PROSER3: variants seen among roughly 807,000 people sequenced by gnomAD.
PROSER3 encodes the protein proline and serine rich 3, also known as proline and serine-rich protein 3.
A neutral mutation model predicts 50.2 loss-of-function variants in PROSER3; 33 were observed. That is an observed-to-expected ratio of 0.66 (90% CI 0.50 to 0.88). PROSER3 has a LOEUF of 0.88. Among genes scored for constraint, PROSER3 ranks in the 40% least tolerant of loss-of-function variants. PROSER3 has a pLI of 0.00. For synonymous variants in PROSER3, 266 were observed against 259.3 expected (o/e 1.03, Z -0.25); for missense variants, 623 against 612.7 (o/e 1.02, Z -0.18).
exon 10 of PROSER3, chr19:35,768,227 G>A (rs779727581): frequency 6.8e-6 from 11 of 1,612,152 alleles, no homozygotes; most frequent in Non-Finnish European, 8.5e-6. Flanking sequence ...GAGCTGAGTC[G>A]GCAGAAAAGG....
chr19:35,762,476 A>T, intron 5 of PROSER3, 120 bp downstream of exon 5: 1 of 927,498 alleles, frequency 1.1e-6, no homozygotes, highest in Non-Finnish European at 1.6e-6. Flanking sequence ...TGGGAGGCCA[A>T]GGTGAGAGGA....
In PROSER3 at chr19:35,767,994, C is replaced by T. The variant is rs748463002; in HGVS notation, c.1148C>T (p.Pro383Leu). 25 of 1,596,674 alleles carry T rather than the reference C, an allele frequency of 1.6e-5. No individual in the cohort carries two copies. In the African/African-American group the frequency reaches 1.9e-4, roughly 12 times the overall value. Reference sequence around the variant, plus strand: ...TCTCCGGAGGCCCTGGCCCCGCCCCCGCCCGCTGCTGACCACGCCCCCTCG... The same window carrying T: ...TCTCCGGAGGCCCTGGCCCCGCCCCTGCCCGCTGCTGACCACGCCCCCTCG... Residue 383 changes from proline to leucine, a missense_variant, in exon 9 of 11, where the codon CCG (proline) becomes CTG (leucine). Pro to Leu is a moderately conservative substitution (Grantham distance 98). Coordinates refer to ENST00000396908, the Ensembl canonical transcript of PROSER3.
chr19:35,768,160 G>A (rs1332338990), exon 10 of PROSER3: 2 of 1,613,170 alleles, frequency 1.2e-6, no homozygotes, highest in Admixed American at 1.7e-5. Flanking sequence ...CCCAGACTCC[G>A]ACGGCAGCGA....
intron 5 of PROSER3, among the ~76,000 whole-genome samples, chr19:35,763,682 AT>A (rs1971040272): frequency 7.5e-6 from 1 of 133,958 alleles, no homozygotes; most frequent in Non-Finnish European, 1.6e-5. Context: ...TTTTTTTTGT[AT>A]TTTTAGTAGA....
At position 35,759,978 on chromosome 19, in the gene PROSER3, T is replaced by TC; in HGVS notation, c.300dup (p.Val101ArgfsTer29). The TC allele has an allele frequency of 6.3e-7, 1 of 1,594,262 alleles. No homozygotes were observed. Among genetic ancestry groups the TC allele is most frequent in the Non-Finnish European group, 8.6e-7 (1 of 1,169,366 alleles). ...ACCCACCCTGATTGACAGCGGGGAC[T>TC]CCGTGGTGGCCAAGTAAGTACCAGC... is the stretch of plus-strand genomic sequence containing the variant. On this transcript the variant is annotated frameshift_variant, in exon 3 of 11. Coordinates refer to ENST00000396908, the Ensembl canonical transcript of PROSER3. LOFTEE classifies it high-confidence loss of function.
intron 7 of PROSER3, among the ~76,000 whole-genome samples, chr19:35,766,136 G>A (rs1176854114): frequency 3.3e-5 from 5 of 152,168 alleles, no homozygotes; most frequent in Non-Finnish European, 7.3e-5. Context: ...CAGGTTGGGT[G>A]AGTGGGGCTG....
chr19:35,769,125 C>G (rs554117721), exon 11 of PROSER3: 27 of 152,334 alleles, frequency 1.8e-4, no homozygotes, highest in African/African-American at 6.3e-4. Flanking sequence ...CTTAATGACT[C>G]TAAACCCCGT....
chr19:35,762,495 G>A, intron 5 of PROSER3, 139 bp downstream of exon 5: 3 of 680,600 alleles, frequency 4.4e-6, no homozygotes, highest in Non-Finnish European at 7.2e-6. Context: ...GACTGCTTGA[G>A]GCCAGGAGTT....
At chr19:35,768,003 C>T (rs1233039381) in exon 9 of PROSER3, 1 of 1,592,246 alleles carries the variant, frequency 6.3e-7, no homozygotes, top group Non-Finnish European at 8.5e-7. Flanking sequence ...CCGCCCGCTG[C>T]TGACCACGCC....
chr19:35,758,198 C>G (rs776847103), exon 1 of PROSER3: 33 of 1,558,842 alleles, frequency 2.1e-5, no homozygotes, highest in Non-Finnish European at 1.7e-6. Flanking sequence ...CGGCCGGAAG[C>G]GCGGAGGGAG....
Position 35,768,137 on chromosome 19 carries a change from C to T in PROSER3, c.1220-18C>T. The stretch of plus-strand genomic sequence containing the variant: ...AGAGGCCGGCCCCTTGGAGCTCATT[C>T]TTTTCTCCCCGGCCCAGACTCCGAC... On this transcript the variant is annotated intron_variant, in intron 9 of 10. Transcript: ENST00000396908. The T allele has an allele frequency of 6.2e-7, 1 of 1,611,142 alleles. No individual in the cohort carries two copies. The highest frequency in any genetic ancestry group is 8.5e-7 in the Non-Finnish European group (1 of 1,178,468).
chr19:35,768,908 T>C (rs60128322), exon 11 of PROSER3: 9,291 of 166,962 alleles, frequency 0.056, 299 homozygotes, highest in East Asian at 0.11. Flanking sequence ...ATGGTCAGGC[T>C]ATAGCCCACA....
Position 35,768,152 on chromosome 19 carries a change from C to A in PROSER3, c.1220-3C>A. On this transcript the variant is annotated splice_polypyrimidine_tract_variant and splice_region_variant and intron_variant, in intron 9 of 10. Coordinates refer to ENST00000396908, the Ensembl canonical transcript of PROSER3. ...GGAGCTCATTCTTTTCTCCCCGGCC[C>A]AGACTCCGACGGCAGCGAGTTCCAG... 1 of 1,612,924 alleles carries A rather than the reference C, an allele frequency of 6.2e-7. No homozygotes were observed. Among genetic ancestry groups the A allele is most frequent in the Non-Finnish European group, 8.5e-7 (1 of 1,179,290 alleles).
exon 11 of PROSER3, chr19:35,768,905 G>C (rs1457604208): frequency 5.9e-6 from 1 of 169,204 alleles, no homozygotes; most frequent in African/African-American, 2.4e-5. Flanking sequence ...ATGATGGTCA[G>C]GCTATAGCCC....
intron 5 of PROSER3, among the ~76,000 whole-genome samples, chr19:35,764,395 G>A (rs1057033888): frequency 2.6e-5 from 4 of 152,038 alleles, no homozygotes; most frequent in South Asian, 4.1e-4. Context: ...GGTGGCTCAC[G>A]CCTGTAATCC....
At chr19:35,768,674 C>T (rs969770164) in exon 11 of PROSER3, 2 of 1,182,932 alleles carry the variant, frequency 1.7e-6, no homozygotes, top group Non-Finnish European at 2.3e-6. Context: ...TGCCCCCCAT[C>T]CTCCGCTGCC....
At position 35,759,770 on chromosome 19, in the gene PROSER3, T is replaced by C. The variant is rs1223629957; in HGVS notation, c.109-19T>C. ...TGAGACCTCACACTTTTTCTTCTTG[T>C]GCTCTTCCCTGATCTTAGACCCTGA... On this transcript the variant is annotated intron_variant, in intron 2 of 10. Coordinates refer to ENST00000396908, the Ensembl canonical transcript of PROSER3. 1 of 1,548,914 alleles carries C rather than the reference T, an allele frequency of 6.5e-7. No homozygotes were observed. Among genetic ancestry groups the C allele is most frequent in the African/African-American group, 1.4e-5 (1 of 72,944 alleles).
chr19:35,767,996 C>T (rs1971222541), exon 9 of PROSER3: 2 of 1,595,804 alleles, frequency 1.3e-6, no homozygotes, highest in Admixed American at 1.7e-5. Context: ...CCCGCCCCCG[C>T]CCGCTGCTGA....
At chr19:35,763,973 A>C (rs1299159132) in intron 5 of PROSER3, among the ~76,000 whole-genome samples, 1 of 151,490 alleles carries the variant, frequency 6.6e-6, no homozygotes, top group Non-Finnish European at 1.5e-5. Context: ...TTTTTTGTAG[A>C]GATGGGATCT....
Sources: gnomAD v4.1 joint callset for allele counts (sites outside exome capture counted in the v4.1 genomes callset) on GRCh38, gnomAD v4.1.1 for gene constraint, MANE v1.5 for transcripts, NCBI Gene and HGNC (gene_info 2026-07-23, HGNC 2026-07-21) for gene names.